DLGAP2: variants seen among roughly 807,000 people sequenced by gnomAD.
DLGAP2 encodes disks large-associated protein 2.
In DLGAP2, 26 loss-of-function variants were observed where a neutral mutation model predicts 100.3. The observed-to-expected ratio is 0.26, with a 90% CI of 0.19 to 0.36. The LOEUF (loss-of-function observed/expected upper bound fraction) is 0.36, where lower values mean the gene tolerates loss of function less well. Among genes scored for constraint, DLGAP2 ranks in the 10% least tolerant of loss-of-function variants. The pLI is 1.00. For missense variants in DLGAP2, 1,858 were observed against 1,453.2 expected (o/e 1.28, Z -4.53); for synonymous variants, 886 against 630.1 (o/e 1.41, Z -6.08).
chr8:1,108,630 TGTGTGCACGTGCCTATGAA>T (rs1804853060), intron 2 of DLGAP2, among the ~76,000 whole-genome samples: 1 of 113,996 alleles, frequency 8.8e-6, no homozygotes, highest in African/African-American at 3.5e-5. Context: ...GTGCCTATGA[TGTGTGCACGTGCCTATGAA>T]GTGTGCTGGG....
intron 3 of DLGAP2, among the ~76,000 whole-genome samples, chr8:1,420,837 T>G (rs1797069381): frequency 6.6e-6 from 1 of 152,186 alleles, no homozygotes; most frequent in South Asian, 2.1e-4. Flanking sequence ...TGGTGCCATT[T>G]CAGAGGTGCT....
At chr8:1,522,635 G>C (rs576700938) in intron 4 of DLGAP2, among the ~76,000 whole-genome samples, 1 of 152,244 alleles carries the variant, frequency 6.6e-6, no homozygotes, top group Non-Finnish European at 1.5e-5. Context: ...GGGGACGCCT[G>C]TAAAGTCACC....
chr8:1,054,939 T>A (rs139212613), intron 2 of DLGAP2, among the ~76,000 whole-genome samples: 77 of 152,364 alleles, frequency 5.1e-4, no homozygotes, highest in African/African-American at 1.8e-3. Context: ...TCATAGACAG[T>A]GGCACACAAA....
At chr8:1,282,363 T>G (rs1401615250) in intron 3 of DLGAP2, among the ~76,000 whole-genome samples, 118 of 134,854 alleles carry the variant, frequency 8.8e-4, no homozygotes, top group African/African-American at 3.1e-3. Flanking sequence ...GGACGTGGTG[T>G]GACCTGAACC....
intron 3 of DLGAP2, among the ~76,000 whole-genome samples, chr8:1,417,695 C>CCACGGGGAGG (rs1796962248): frequency 1.4e-5 from 2 of 144,504 alleles, no homozygotes; most frequent in Non-Finnish European, 1.5e-5. Flanking sequence ...GCACAGGGGG[C>CCACGGGGAGG]CCCACTCCTG....
intron 3 of DLGAP2, among the ~76,000 whole-genome samples, chr8:1,291,194 T>G (rs1321348700): frequency 1.3e-5 from 2 of 152,166 alleles, no homozygotes; most frequent in African/African-American, 4.8e-5. Flanking sequence ...ACATAAATGG[T>G]GTAACTGCTC....
Position 1,083,349 on chromosome 8 carries a change from G to A in DLGAP2, c.73+175383G>A, listed in dbSNP as rs2701945. Among the ~76,000 whole-genome samples, 898 of 152,286 alleles carry A rather than the reference G, an allele frequency of 5.9e-3. 10 individuals carry two copies. The highest frequency in any genetic ancestry group is 0.021 in the African/African-American group (857 of 41,556). On this transcript the variant is annotated intron_variant, in intron 2 of 14. Transcript: ENST00000637795. The stretch of plus-strand genomic sequence containing the variant: ...GCTGAAGGCAGAGCCCCAGCCTTTC[G>A]GAGAGGCAGGGGAGAAGAGTAGCCA...
chr8:1,549,527 G>C lies in DLGAP2; in HGVS notation c.1074G>C (p.Ala358=), dbSNP rs749129862. The C allele has an allele frequency of 1.9e-6, 3 of 1,613,362 alleles. No individual in the cohort carries two copies. The highest frequency in any genetic ancestry group is 2.5e-6 in the Non-Finnish European group (3 of 1,179,832). ...DVKCSACEGL[A]LTPDAKYLKR... ...AGTGCTCGGCCTGTGAGGGGTTGGCGCTGACGCCCGACGCCAAGTACCTGA... is the reference window on the plus strand; with the variant it reads ...AGTGCTCGGCCTGTGAGGGGTTGGCCCTGACGCCCGACGCCAAGTACCTGA... Residue 358 remains alanine, a synonymous_variant, in exon 5 of 15, where the codon GCG becomes GCC. Coordinates refer to ENST00000637795, the MANE Select transcript of DLGAP2 (RefSeq NM_001346810.2).
In DLGAP2 at chr8:1,363,365, C is replaced by T. The variant is rs536506664; in HGVS notation, c.106+104482C>T. On this transcript the variant is annotated intron_variant, in intron 3 of 14. Coordinates refer to ENST00000637795, the MANE Select transcript of DLGAP2 (RefSeq NM_001346810.2). ...TCTCTCCTGCCTCTGCCTCGCCGGTCCCACGTCCGTGGCACACCTGCGGCT... is the reference window on the plus strand; with the variant it reads ...TCTCTCCTGCCTCTGCCTCGCCGGTTCCACGTCCGTGGCACACCTGCGGCT... Among the ~76,000 whole-genome samples the T allele has an allele frequency of 2.0e-5, 3 of 152,288 alleles. No individual in the cohort carries two copies. In the South Asian group the frequency reaches 6.2e-4, roughly 32 times the overall value.
rs140151185 is a variant in DLGAP2 at position 1,259,271 on chromosome 8, C to T, written c.106+388C>T. 7.7e-3 allele frequency among the ~76,000 whole-genome samples: 1,176 copies of T among 152,242 alleles called. 14 individuals carry two copies. Among genetic ancestry groups the T allele is most frequent in the South Asian group, 0.048 (232 of 4,818 alleles). On this transcript the variant is annotated intron_variant, in intron 3 of 14. Transcript: ENST00000637795. Reference sequence around the variant, plus strand: ...GATCTGGGAAGCCCTTCCCGACTGTCGGTGGCTCAGCCTGAGAGTGTGTGG... The same window carrying T: ...GATCTGGGAAGCCCTTCCCGACTGTTGGTGGCTCAGCCTGAGAGTGTGTGG...
chr8:1,363,013 G>A (rs534417705), intron 3 of DLGAP2, among the ~76,000 whole-genome samples: 16 of 152,122 alleles, frequency 1.1e-4, no homozygotes, highest in African/African-American at 3.6e-4. Flanking sequence ...CCCCACCGCC[G>A]GACACAGGCC....
chr8:1,334,562 T>C (rs142527873), intron 3 of DLGAP2, among the ~76,000 whole-genome samples: 101 of 152,252 alleles, frequency 6.6e-4, no homozygotes, highest in South Asian at 5.4e-3. Flanking sequence ...GATGTGAGTG[T>C]GAGAGGTGGG....
chr8:765,937 T>C (rs1036211055), intron 1 of DLGAP2, among the ~76,000 whole-genome samples: 3 of 152,098 alleles, frequency 2.0e-5, no homozygotes, highest in Admixed American at 6.6e-5. Flanking sequence ...GGGAGGCTGA[T>C]GCAGACACAT....
rs182339942 is a variant in DLGAP2, at chr8:1,562,951, G to A, written c.1231-2732G>A. 2.4e-4 allele frequency among the ~76,000 whole-genome samples: 22 copies of A among 92,934 alleles called. 3 individuals are homozygous for A. Among genetic ancestry groups the A allele is most frequent in the African/African-American group, 3.3e-4 (7 of 20,916 alleles). 61.0% of individuals were successfully genotyped at this position (92,934 alleles called of 152,430 possible). A position where few individuals can be genotyped will look rare whatever the true frequency, so the allele number is the denominator to read the frequency against. ...TTACTGCGGGGACTGTGCAGTGTCC[G>A]GGTGTCCGCGCCTCGTTACTGGGGG... On this transcript the variant is annotated intron_variant, in intron 5 of 14. Transcript: ENST00000637795.
intron 2 of DLGAP2, among the ~76,000 whole-genome samples, chr8:1,232,631 A>G (rs1798561189): frequency 1.3e-5 from 2 of 152,186 alleles, no homozygotes; most frequent in Non-Finnish European, 1.5e-5. Context: ...AATCCACAAG[A>G]TGCTTTCATG....
At chr8:1,686,596 C>T (rs1247089186) in intron 12 of DLGAP2, among the ~76,000 whole-genome samples, 2 of 152,014 alleles carry the variant, frequency 1.3e-5, no homozygotes, top group Non-Finnish European at 2.9e-5. Context: ...ATCGCTTGAA[C>T]CTGGGAGGCA....
chr8:1,062,665 A>G (rs1238266981), intron 2 of DLGAP2, among the ~76,000 whole-genome samples: 3 of 152,178 alleles, frequency 2.0e-5, no homozygotes, highest in Middle Eastern at 3.4e-3. Context: ...CCTCCTGGCC[A>G]TAGGTCTTGC....
chr8:1,475,390 G>A lies in DLGAP2; in HGVS notation c.107-25976G>A, dbSNP rs113792543. 8.3e-3 allele frequency among the ~76,000 whole-genome samples: 1,261 copies of A among 152,248 alleles called. 17 individuals carry two copies. The highest frequency in any genetic ancestry group is 0.029 in the African/African-American group (1,184 of 41,520). On this transcript the variant is annotated intron_variant, in intron 3 of 14. Coordinates refer to ENST00000637795, the MANE Select transcript of DLGAP2 (RefSeq NM_001346810.2). ...ACAGCATCTACTGAGAAATCATGGA[G>A]CAGCCTGATACCTTTTCATCCCCCT...
At chr8:1,155,153 G>T (rs892165280) in intron 2 of DLGAP2, among the ~76,000 whole-genome samples, 1 of 152,178 alleles carries the variant, frequency 6.6e-6, no homozygotes, top group Non-Finnish European at 1.5e-5. Flanking sequence ...GCGGCTGGCC[G>T]GGTCCCGTGT....
Sources: gnomAD v4.1 joint callset for allele counts (sites outside exome capture counted in the v4.1 genomes callset) on GRCh38, gnomAD v4.1.1 for gene constraint, MANE v1.5 for transcripts, NCBI Gene and HGNC (gene_info 2026-07-23, HGNC 2026-07-21) for gene names.